Variants in PIDD1 observed in about 807,000 individuals in gnomAD.
PIDD1 encodes p53-induced death domain-containing protein 1.
Under a neutral mutation model 80.0 loss-of-function variants are expected in PIDD1, and 72 were observed. That is an observed-to-expected ratio of 0.90 (90% CI 0.74 to 1.09). PIDD1 has a LOEUF of 1.09. PIDD1 is among the 50% of genes least tolerant of loss of function. The probability of loss-of-function intolerance (pLI) is 0.00; values close to 1 mark genes in which losing one functional copy is unlikely to be tolerated. For missense variants in PIDD1, 1,329 were observed against 1,228.3 expected (o/e 1.08, Z -1.23); for synonymous variants, 655 against 543.5 (o/e 1.21, Z -2.85).
In PIDD1 at chr11:802,602, G is replaced by A; in HGVS notation, c.920-5C>T. 6.2e-7 allele frequency: 1 copy of A among 1,612,756 alleles called. No homozygotes were observed. Among genetic ancestry groups the A allele is most frequent in the Non-Finnish European group, 8.5e-7 (1 of 1,179,508 alleles). On this transcript the variant is annotated splice_region_variant and splice_polypyrimidine_tract_variant and intron_variant, in intron 4 of 15. Transcript: ENST00000347755. ...TTTCTGGAATGAGGGCTGCCACTGT[G>A]CAGGGGACAGACATGTGCTCAGGAC... is the stretch of plus-strand genomic sequence containing the variant.
At chr11:808,692 T>C (rs551026866), upstream of PIDD1, among the ~76,000 whole-genome samples, 5 of 152,202 alleles carry the variant, frequency 3.3e-5, no homozygotes, top group African/African-American at 1.2e-4. Context: ...TGGGGCCCAG[T>C]CTCAAAAATT....
Position 800,199 on chromosome 11 carries a change from C to A in PIDD1, c.2206G>T (p.Ala736Ser), listed in dbSNP as rs371396144. Residue 736 changes from alanine (A) to serine (S), a missense_variant, in exon 14 of 16, where the codon GCT becomes TCT. Ala to Ser is a moderately conservative substitution (Grantham distance 99). Coordinates refer to ENST00000347755, the MANE Select transcript of PIDD1 (RefSeq NM_145886.4). ...CCCTTCCTCTGCCGGGCAGCCTCAG[C>A]CTCCTCGGGCACCCGCACAGGCACC... is the stretch of plus-strand genomic sequence containing the variant. ...GAVPVRVPEE[A>S]EAARQRKGAD... The A allele has an allele frequency of 1.4e-5, 23 of 1,610,626 alleles. No individual in the cohort carries two copies. Among genetic ancestry groups the A allele is most frequent in the Non-Finnish European group, 2.0e-5 (23 of 1,179,234 alleles).
At chr11:807,820 T>C (rs1865854828), upstream of PIDD1, among the ~76,000 whole-genome samples, 1 of 152,184 alleles carries the variant, frequency 6.6e-6, no homozygotes, top group African/African-American at 2.4e-5. Flanking sequence ...CTGCTGCTCC[T>C]CAAAGTGTAA....
chr11:803,077 G>A (rs1865508567), intron 3 of PIDD1, 97 bp downstream of exon 3: 3 of 1,036,652 alleles, frequency 2.9e-6, no homozygotes, highest in Admixed American at 2.2e-5. Flanking sequence ...AGGCAGCTGT[G>A]GACCAAGCCT....
At chr11:808,557 G>C (rs1043177256), upstream of PIDD1, among the ~76,000 whole-genome samples, 3 of 152,206 alleles carry the variant, frequency 2.0e-5, no homozygotes, top group African/African-American at 7.2e-5. Context: ...AATTTTAGCC[G>C]GGTGTGGTGG....
In PIDD1 at chr11:801,318, T is replaced by G. The variant is rs1178856267; in HGVS notation, c.1530A>C (p.Pro510=). 6.2e-7 allele frequency: 1 copy of G among 1,606,888 alleles called. No individual in the cohort carries two copies. Among genetic ancestry groups the G allele is most frequent in the Non-Finnish European group, 8.5e-7 (1 of 1,176,664 alleles). Residue 510 remains proline, a synonymous_variant, in exon 9 of 16, where the codon CCA becomes CCC. Transcript: ENST00000347755. ...GRELQALLGE[P]EAAVSPLLCL... ...ACAGCAGGGGGCTCACTGCAGCCTC[T>G]GGTTCTCCCAGGAGGGCCTGCAGCT... is the stretch of plus-strand genomic sequence containing the variant.
chr11:801,193 G>A lies in PIDD1; in HGVS notation c.1630+25C>T, dbSNP rs11821880. The A allele has an allele frequency of 5.0e-3, 7,793 of 1,546,694 alleles. 342 individuals are homozygous for A. The African/African-American group carries it at 0.092, about 18-fold the overall frequency. ...CCTCCACCCTATGGCCACAGGTCCA[G>A]GTATGCCCCATGGCTGCCTCTCACC... On this transcript the variant is annotated intron_variant, in intron 9 of 15. Coordinates refer to ENST00000347755, the MANE Select transcript of PIDD1 (RefSeq NM_145886.4).
rs1865639604 is a variant in PIDD1, at chr11:804,478, G to A, written c.-75-15C>T. ...GCCCGGGGAAGCTGCAGAGGCAGGA[G>A]GAGGAGTGAGCGGGAGCCGGGGTGG... On this transcript the variant is annotated splice_polypyrimidine_tract_variant and intron_variant, in intron 1 of 15. Transcript: ENST00000347755. 2.0e-6 allele frequency: 3 copies of A among 1,483,470 alleles called. No homozygotes were observed. The Admixed American group carries it at 7.2e-5, about 35-fold the overall frequency. 91.9% of individuals were successfully genotyped at this position (1,483,470 alleles called of 1,614,324 possible). A position where few individuals can be genotyped will look rare whatever the true frequency, so the allele number is the denominator to read the frequency against.
intron 9 of PIDD1, 32 bp downstream of exon 9, chr11:801,186 A>T: frequency 6.5e-7 from 1 of 1,541,318 alleles, no homozygotes; most frequent in South Asian, 1.2e-5. Context: ...CTATGGCCAC[A>T]GGTCCAGGTA....
chr11:804,570 C>A, intron 1 of PIDD1, 107 bp from the exon 2 acceptor site: 2 of 1,199,854 alleles, frequency 1.7e-6, no homozygotes, highest in Non-Finnish European at 2.2e-6. Flanking sequence ...GCCATCTGGG[C>A]CTGGGCTGCA....
In PIDD1 at chr11:803,311, C is replaced by T; in HGVS notation, c.572G>A (p.Gly191Glu). 1.9e-6 allele frequency: 3 copies of T among 1,613,922 alleles called. No individual in the cohort carries two copies. Among genetic ancestry groups the T allele is most frequent in the Non-Finnish European group, 2.5e-6 (3 of 1,179,964 alleles). The change falls in exon 3 of 16, where the codon GGG (glycine) becomes GAG (glutamate). Residue 191 changes from glycine to glutamate, a missense_variant. Gly to Glu is a moderately conservative substitution (Grantham distance 98). Transcript: ENST00000347755. ...NRLQTLPPAL[G>E]ALSTLQRLDL... The stretch of plus-strand genomic sequence containing the variant: ...GAGGCGCTGCAGGGTGGATAGGGCC[C>T]CCAGTGCTGGGGGCAGCGTCTGCAG...
upstream of PIDD1, chr11:805,297 C>T: frequency 1.2e-6 from 1 of 859,896 alleles, no homozygotes; most frequent in African/African-American, 2.1e-5. Flanking sequence ...GCCCCGCCCC[C>T]TCGGGACGCG....
chr11:800,482 G>A (rs1432152880), intron 12 of PIDD1, 31 bp from the exon 13 acceptor site: 1 of 1,610,770 alleles, frequency 6.2e-7, no homozygotes, highest in Non-Finnish European at 8.5e-7. Flanking sequence ...GAGCAAGGAG[G>A]GCTCGGGGAG....
At chr11:805,152 C>T in intron 1 of PIDD1, 27 bp downstream of exon 1, 1 of 968,380 alleles carries the variant, frequency 1.0e-6, no homozygotes. Context: ...CCCGCCGCCC[C>T]CTCCGCCCGC....
chr11:799,267 C>A lies in PIDD1; in HGVS notation c.*40G>T. Reference sequence around the variant, plus strand: ...CTTGAAGGTGGGGGCTCTGCCCATCCACTGGGGAATATCTGGGCCAGCCTA... The same window carrying A: ...CTTGAAGGTGGGGGCTCTGCCCATCAACTGGGGAATATCTGGGCCAGCCTA... On this transcript the variant is annotated 3_prime_UTR_variant, in exon 16 of 16. Coordinates refer to ENST00000347755, the MANE Select transcript of PIDD1 (RefSeq NM_145886.4). 1 of 1,531,154 alleles carries A rather than the reference C, an allele frequency of 6.5e-7. No homozygotes were observed. The highest frequency in any genetic ancestry group is 8.8e-7 in the Non-Finnish European group (1 of 1,140,740). 94.8% of individuals were successfully genotyped at this position (1,531,154 alleles called of 1,614,324 possible).
chr11:799,831 T>C lies in PIDD1; in HGVS notation c.2458A>G (p.Ile820Val). The stretch of plus-strand genomic sequence containing the variant: ...GAGCCTCACCGGAACTCGTGCCGGA[T>C]GCGCTGCACCTCCCGGTAGGACACC... ...LGVSYREVQRIRHEFRDDLDE... is the reference protein window; with the variant it reads ...LGVSYREVQRVRHEFRDDLDE... The change falls in exon 15 of 16, where the codon ATC (isoleucine) becomes GTC (valine). Residue 820 changes from isoleucine to valine, a missense_variant. Transcript: ENST00000347755. 4 of 1,593,362 alleles carry C rather than the reference T, an allele frequency of 2.5e-6. No homozygotes were observed. Among genetic ancestry groups the C allele is most frequent in the Non-Finnish European group, 1.7e-6 (2 of 1,169,862 alleles).
upstream of PIDD1, among the ~76,000 whole-genome samples, chr11:808,856 A>C (rs1163393851): frequency 6.6e-6 from 1 of 152,220 alleles, no homozygotes; most frequent in African/African-American, 2.4e-5. Context: ...TGTGAAGTCG[A>C]GTTCCAGTGC....
At position 801,837 on chromosome 11, in the gene PIDD1, A is replaced by G. The variant is rs1395200154; in HGVS notation, c.1302+128T>C. The G allele has an allele frequency of 3.1e-6, 4 of 1,288,322 alleles. No individual in the cohort carries two copies. In the African/African-American group the frequency reaches 6.0e-5, roughly 19 times the overall value. 79.8% of individuals were successfully genotyped at this position (1,288,322 alleles called of 1,614,324 possible). ...CGGGGTGGGGTGGAAGGTGCCAGGG[A>G]CATAGGGAAGCAGGATCCAGGAGGG... On this transcript the variant is annotated intron_variant, in intron 7 of 15. Transcript: ENST00000347755.
chr11:801,403 CT>C, intron 8 of PIDD1, 38 bp from the exon 9 acceptor site: 2 of 1,585,240 alleles, frequency 1.3e-6, no homozygotes, highest in Non-Finnish European at 1.7e-6. Flanking sequence ...TGCCTGTGGG[CT>C]GAGGCGCGGC....
Sources: allele counts gnomAD v4.1 joint callset (sites outside exome capture counted in the v4.1 genomes callset), GRCh38; gene constraint gnomAD v4.1.1; transcripts MANE v1.5; gene names NCBI Gene and HGNC (gene_info 2026-07-23, HGNC 2026-07-21).